The following GPC6 variants were observed in gnomAD, a reference collection of about 807,000 sequenced individuals.
GPC6 encodes glypican 6.
A neutral mutation model predicts 55.2 loss-of-function variants in GPC6; 14 were observed. The observed-to-expected ratio is 0.25, with a 90% CI of 0.17 to 0.40. The LOEUF (loss-of-function observed/expected upper bound fraction) is 0.40. GPC6 is among the 10% of genes least tolerant of loss of function. The probability of loss-of-function intolerance (pLI) is 1.00; values close to 1 mark genes in which losing one functional copy is unlikely to be tolerated. For missense variants in GPC6, 641 were observed against 708.5 expected, an observed-to-expected ratio of 0.90 and a Z score of 1.08; for synonymous variants, 278 against 259.6, an observed-to-expected ratio of 1.07 and a Z score of -0.68.
At chr13:93,824,958 G>A (rs79318498) in intron 2 of GPC6, among the ~76,000 whole-genome samples, 1,912 of 152,146 alleles carry the variant, frequency 0.013, 40 homozygotes, top group African/African-American at 0.043. Flanking sequence ...GAATCTTACT[G>A]TGAATACAAT....
At chr13:93,273,877 C>T (rs1313242624) in intron 1 of GPC6, among the ~76,000 whole-genome samples, 1 of 151,728 alleles carries the variant, frequency 6.6e-6, no homozygotes, top group African/African-American at 2.4e-5. Flanking sequence ...GGTGCGATCT[C>T]GGCTCACTGC....
chr13:94,032,275 A>G (rs193043702), intron 4 of GPC6, among the ~76,000 whole-genome samples: 243 of 152,260 alleles, frequency 1.6e-3, no homozygotes, highest in African/African-American at 5.5e-3. Flanking sequence ...AAATAATTAT[A>G]ACAAACTATG....
At chr13:93,683,179 A>T (rs1010733630) in intron 2 of GPC6, among the ~76,000 whole-genome samples, 22 of 152,134 alleles carry the variant, frequency 1.4e-4, no homozygotes, top group African/African-American at 5.3e-4. Context: ...CTGGTAACTG[A>T]AAAAATAAAA....
At chr13:94,037,433 G>C (rs1883378067) in intron 4 of GPC6, among the ~76,000 whole-genome samples, 2 of 151,802 alleles carry the variant, frequency 1.3e-5, no homozygotes, top group African/African-American at 2.4e-5. Flanking sequence ...TTAAGCAAGA[G>C]TTATAAGAAA....
chr13:93,657,283 C>A (rs577124131), intron 2 of GPC6, among the ~76,000 whole-genome samples: 1 of 151,920 alleles, frequency 6.6e-6, no homozygotes, highest in Non-Finnish European at 1.5e-5. Context: ...TTAGAGAACC[C>A]AGAAATAAAA....
intron 1 of GPC6, among the ~76,000 whole-genome samples, chr13:93,436,805 A>T (rs1877588350): frequency 6.6e-6 from 1 of 152,124 alleles, no homozygotes; most frequent in Non-Finnish European, 1.5e-5. Context: ...ACAGCTCAGA[A>T]TTCAGATTTA....
intron 1 of GPC6, among the ~76,000 whole-genome samples, chr13:93,338,042 T>C (rs562417180): frequency 1.3e-5 from 2 of 152,220 alleles, no homozygotes; most frequent in African/African-American, 2.4e-5. Flanking sequence ...TTGTTCATTT[T>C]TCGCTAAATT....
intron 2 of GPC6, among the ~76,000 whole-genome samples, chr13:93,601,113 G>T (rs1297867111): frequency 6.6e-6 from 1 of 151,664 alleles, no homozygotes; most frequent in Non-Finnish European, 1.5e-5. Context: ...ACATGTTGGG[G>T]AGTGGTGGCT....
intron 4 of GPC6, among the ~76,000 whole-genome samples, chr13:94,267,014 A>C (rs1474017510): frequency 6.6e-6 from 1 of 152,170 alleles, no homozygotes; most frequent in Non-Finnish European, 1.5e-5. Context: ...TTTTTTATAA[A>C]GTTTTAAGTC....
intron 1 of GPC6, among the ~76,000 whole-genome samples, chr13:93,458,115 T>A (rs1878537308): frequency 6.6e-6 from 1 of 152,196 alleles, no homozygotes; most frequent in Admixed American, 6.5e-5. Context: ...AAAGAACATG[T>A]GTATGGGTCT....
intron 2 of GPC6, among the ~76,000 whole-genome samples, chr13:93,812,695 C>T (rs1223132606): frequency 2.0e-5 from 3 of 152,062 alleles, no homozygotes; most frequent in Admixed American, 6.5e-5. Flanking sequence ...TAATAATGAC[C>T]AAGGGTGTTT....
chr13:94,121,277 A>G (rs1886620615), intron 4 of GPC6, among the ~76,000 whole-genome samples: 1 of 152,118 alleles, frequency 6.6e-6, no homozygotes. Context: ...TGGGCCCTGT[A>G]GAAGCACAGG....
chr13:94,394,548 A>G (rs756215405), intron 7 of GPC6, among the ~76,000 whole-genome samples: 17 of 152,192 alleles, frequency 1.1e-4, no homozygotes, highest in Non-Finnish European at 2.4e-4. Flanking sequence ...AGTGTTATGT[A>G]AAGAAACCAA....
chr13:93,293,111 T>C (rs1878371329), intron 1 of GPC6, among the ~76,000 whole-genome samples: 1 of 152,142 alleles, frequency 6.6e-6, no homozygotes, highest in Non-Finnish European at 1.5e-5. Context: ...ATCTCCCAAG[T>C]AGCTGGAACT....
At chr13:93,409,014 A>G (rs1323222561) in intron 1 of GPC6, among the ~76,000 whole-genome samples, 1 of 152,150 alleles carries the variant, frequency 6.6e-6, no homozygotes, top group Non-Finnish European at 1.5e-5. Flanking sequence ...ATTTGGGAAC[A>G]TTGTCACTTA....
intron 1 of GPC6, among the ~76,000 whole-genome samples, chr13:93,355,992 CT>C (rs1271776196): frequency 6.6e-6 from 1 of 152,012 alleles, no homozygotes; most frequent in Non-Finnish European, 1.5e-5. Flanking sequence ...ATGGTGGTGT[CT>C]TAGCTCGAAA....
chr13:94,242,438 T>G (rs987165481), intron 4 of GPC6, among the ~76,000 whole-genome samples: 1 of 152,046 alleles, frequency 6.6e-6, no homozygotes, highest in Non-Finnish European at 1.5e-5. Flanking sequence ...TAAAGACACA[T>G]GCACACGTAT....
intron 4 of GPC6, among the ~76,000 whole-genome samples, chr13:94,275,842 A>G (rs1349265538): frequency 3.3e-5 from 5 of 152,184 alleles, no homozygotes; most frequent in African/African-American, 4.8e-5. Context: ...AACCTTCCCT[A>G]TAATAAGGGA....
intron 4 of GPC6, among the ~76,000 whole-genome samples, chr13:94,182,374 T>C (rs1440637557): frequency 1.3e-5 from 2 of 152,128 alleles, no homozygotes; most frequent in Non-Finnish European, 2.9e-5. Context: ...ATTCCAGGTG[T>C]TGGGACTATA....
Sources: gnomAD v4.1 joint callset for allele counts (sites outside exome capture counted in the v4.1 genomes callset) on GRCh38, gnomAD v4.1.1 for gene constraint, MANE v1.5 for transcripts, NCBI Gene and HGNC (gene_info 2026-07-23, HGNC 2026-07-21) for gene names.